Variants in CLEC2D observed in about 807,000 individuals in gnomAD.
The protein encoded by CLEC2D is C-type lectin related f.
In CLEC2D, 16 loss-of-function variants were observed where a neutral mutation model predicts 20.0. That is an observed-to-expected ratio of 0.80 (90% confidence interval 0.54 to 1.22). CLEC2D has a LOEUF of 1.22. Among genes scored for constraint, CLEC2D ranks in the 50% most tolerant of loss-of-function variants. The pLI is 0.00. For synonymous variants in CLEC2D, 77 were observed against 71.1 expected (o/e 1.08, Z -0.42); for missense variants, 207 against 221.5 (o/e 0.93, Z 0.42).
At chr12:9,681,320 T>C (rs1865630958) in intron 2 of CLEC2D, among the ~76,000 whole-genome samples, 1 of 151,858 alleles carries the variant, frequency 6.6e-6, no homozygotes, top group Non-Finnish European at 1.5e-5. Flanking sequence ...AACTGAAAAA[T>C]AGTCTCTTGT....
At chr12:9,693,544 T>C (rs1865911819) in intron 4 of CLEC2D, 1 of 187,832 alleles carries the variant, frequency 5.3e-6, no homozygotes, top group Non-Finnish European at 1.1e-5. Context: ...TTCATCAATA[T>C]TGGAAATATA....
rs1157708145 is a variant in CLEC2D, at chr12:9,692,918, G to A, written c.448G>A (p.Glu150Lys). The change falls in exon 4 of 5, where the codon GAA becomes AAA. Residue 150 changes from glutamate (E) to lysine (K), a missense_variant. By Grantham distance (56) the Glu-to-Lys change is moderately conservative. Coordinates refer to ENST00000290855, the MANE Select transcript of CLEC2D (RefSeq NM_013269.6). Reference protein sequence around the residue: ...GQPWKWINGTEWTRQFPILGA... With the variant: ...GQPWKWINGTKWTRQFPILGA... ...ACCATGGAAATGGATAAATGGTACT[G>A]AATGGACAAGACAGTAAGTTCTAAA... The A allele has an allele frequency of 6.2e-7, 1 of 1,613,080 alleles. No individual in the cohort carries two copies. Among genetic ancestry groups the A allele is most frequent in the Non-Finnish European group, 8.5e-7 (1 of 1,179,196 alleles).
Position 9,695,900 on chromosome 12 carries a change from A to T in CLEC2D, c.*1026A>T, listed in dbSNP as rs571249751. 19 of 1,131,420 alleles carry T rather than the reference A, an allele frequency of 1.7e-5. No individual in the cohort carries two copies. Among genetic ancestry groups the T allele is most frequent in the Non-Finnish European group, 2.4e-5 (18 of 754,252 alleles). The allele number at this position is 1,131,420 out of a possible 1,614,324, so 70.1% of individuals were successfully genotyped here. A position where few individuals can be genotyped will look rare whatever the true frequency, so the allele number is the denominator to read the frequency against. The stretch of plus-strand genomic sequence containing the variant: ...GATGATGATGATGATGATGACGAGG[A>T]AGCTGAAGAAAAAGCGCCAGTGAAG... On this transcript the variant is annotated 3_prime_UTR_variant, in exon 5 of 5. Coordinates refer to ENST00000290855, the MANE Select transcript of CLEC2D (RefSeq NM_013269.6).
intron 3 of CLEC2D, among the ~76,000 whole-genome samples, chr12:9,691,642 C>T (rs10844476): frequency 0.059 from 9,044 of 152,180 alleles, 316 homozygotes; most frequent in Non-Finnish European, 0.084. Context: ...TTTAAAAACC[C>T]GCTCTTCAAC....
At chr12:9,681,958 G>A (rs758992133) in intron 2 of CLEC2D, among the ~76,000 whole-genome samples, 2 of 152,170 alleles carry the variant, frequency 1.3e-5, no homozygotes, top group East Asian at 1.9e-4. Flanking sequence ...ATTGGAAAGA[G>A]ACAATTTCTG....
chr12:9,684,043 T>A (rs989631693), intron 2 of CLEC2D, among the ~76,000 whole-genome samples: 3 of 152,306 alleles, frequency 2.0e-5, no homozygotes, highest in East Asian at 3.9e-4. Flanking sequence ...TGTCATCTCT[T>A]ATTTCCTTGA....
At position 9,696,750 on chromosome 12, in the gene CLEC2D, C is replaced by T. The variant is rs957724582; in HGVS notation, c.*1876C>T. On this transcript the variant is annotated 3_prime_UTR_variant, in exon 5 of 5. Coordinates refer to ENST00000290855, the MANE Select transcript of CLEC2D (RefSeq NM_013269.6). ...GTGTGGAGAAGACGGAACCCTTGTA[C>T]ACAGTTGGTGGGAACACAGTTTGGT... 1.3e-5 allele frequency: 2 copies of T among 153,526 alleles called. No individual in the cohort carries two copies. The highest frequency in any genetic ancestry group is 6.5e-5 in the Admixed American group (1 of 15,296). 9.5% of individuals were successfully genotyped at this position (153,526 alleles called of 1,614,324 possible).
chr12:9,688,408 C>T (rs1255433436), intron 3 of CLEC2D, among the ~76,000 whole-genome samples: 1 of 152,096 alleles, frequency 6.6e-6, no homozygotes, highest in Non-Finnish European at 1.5e-5. Context: ...ATGAAGTTAG[C>T]AACATTGTTT....
chr12:9,691,275 T>C (rs982723902), intron 3 of CLEC2D, among the ~76,000 whole-genome samples: 13 of 152,106 alleles, frequency 8.5e-5, no homozygotes, highest in Non-Finnish European at 1.8e-4. Context: ...AAGCAATAAT[T>C]GCTATAATTT....
chr12:9,690,592 T>A (rs922735883), intron 3 of CLEC2D, among the ~76,000 whole-genome samples: 1 of 152,042 alleles, frequency 6.6e-6, no homozygotes, highest in Non-Finnish European at 1.5e-5. Flanking sequence ...ATATAATGTA[T>A]AAAGATGCAA....
Position 9,673,035 on chromosome 12 carries a change from T to C in CLEC2D, c.61+3240T>C, listed in dbSNP as rs1412005349. ...AATGCTTTAGCTCAGCGAAATTCGT[T>C]ATTACCAACTTTCTGAAGCCTACTT... is the stretch of plus-strand genomic sequence containing the variant. On this transcript the variant is annotated intron_variant, in intron 1 of 4. Transcript: ENST00000290855. Among the ~76,000 whole-genome samples, 4 of 152,182 alleles carry C rather than the reference T, an allele frequency of 2.6e-5. No homozygotes were observed. In the East Asian group the frequency reaches 7.7e-4, roughly 29 times the overall value.
At chr12:9,676,410 A>T (rs944434549) in intron 1 of CLEC2D, among the ~76,000 whole-genome samples, 3 of 151,982 alleles carry the variant, frequency 2.0e-5, no homozygotes, top group Non-Finnish European at 2.9e-5. Context: ...AATTTTGTTA[A>T]TTTTTTTGTA....
chr12:9,683,711 C>G (rs1454428354), intron 2 of CLEC2D, among the ~76,000 whole-genome samples: 3 of 152,188 alleles, frequency 2.0e-5, no homozygotes, highest in African/African-American at 7.2e-5. Flanking sequence ...TCTGAGGCCT[C>G]TGTTCTGTCC....
At chr12:9,684,768 T>C (rs1434305328) in intron 2 of CLEC2D, among the ~76,000 whole-genome samples, 1 of 152,194 alleles carries the variant, frequency 6.6e-6, no homozygotes, top group African/African-American at 2.4e-5. Context: ...GATGTGCTGC[T>C]GGATTCGGCT....
At chr12:9,689,923 GAA>G (rs1233567724) in intron 3 of CLEC2D, among the ~76,000 whole-genome samples, 1 of 152,002 alleles carries the variant, frequency 6.6e-6, no homozygotes, top group East Asian at 1.9e-4. Context: ...AAAGAGAAGA[GAA>G]AGAGAAGCAG....
rs778827559 is a variant in CLEC2D at position 9,698,422 on chromosome 12, A to G, written c.*3548A>G. The G allele has an allele frequency of 6.6e-6, 1 of 152,320 alleles. No homozygotes were observed. Among genetic ancestry groups the G allele is most frequent in the African/African-American group, 2.4e-5 (1 of 41,572 alleles). The allele number at this position is 152,320 out of a possible 1,614,324, so 9.4% of individuals were successfully genotyped here. A position where few individuals can be genotyped will look rare whatever the true frequency, so the allele number is the denominator to read the frequency against. On this transcript the variant is annotated 3_prime_UTR_variant, in exon 5 of 5. Transcript: ENST00000290855. ...CTAAATGTTGAATACACAATGGGGA[A>G]AAAATAGTCTTCAATGAATGGTGGT...
At position 9,695,080 on chromosome 12, in the gene CLEC2D, A is replaced by G; in HGVS notation, c.*206A>G. 2 of 581,384 alleles carry G rather than the reference A, an allele frequency of 3.4e-6. No homozygotes were observed. Among genetic ancestry groups the G allele is most frequent in the Non-Finnish European group, 6.1e-6 (2 of 326,438 alleles). 36.0% of individuals were successfully genotyped at this position (581,384 alleles called of 1,614,324 possible). A position where few individuals can be genotyped will look rare whatever the true frequency, so the allele number is the denominator to read the frequency against. On this transcript the variant is annotated 3_prime_UTR_variant, in exon 5 of 5. Transcript: ENST00000290855. ...TAATATTACCTGTTCTCCCACTGCT[A>G]ATGACATACCCGAGACTGAGTAATT...
chr12:9,694,711 T>C (rs1865939228), intron 4 of CLEC2D, 49 bp from the exon 5 acceptor site: 4 of 929,846 alleles, frequency 4.3e-6, no homozygotes, highest in Non-Finnish European at 7.2e-6. Flanking sequence ...TTCTCTCTGC[T>C]GTTGAAGAAA....
intron 4 of CLEC2D, chr12:9,693,926 C>T: frequency 2.8e-6 from 1 of 352,810 alleles, no homozygotes; most frequent in Admixed American, 3.6e-5. Context: ...CCATCTCAGC[C>T]TCCTGAGTAG....
Sources: allele counts gnomAD v4.1 joint callset (sites outside exome capture counted in the v4.1 genomes callset), GRCh38; gene constraint gnomAD v4.1.1; transcripts MANE v1.5; gene names NCBI Gene and HGNC (gene_info 2026-07-23, HGNC 2026-07-21).